CDH4: variants seen among roughly 807,000 people sequenced by gnomAD.
CDH4 encodes the protein cadherin 4, also known as cadherin-4.
Under a neutral mutation model 86.0 loss-of-function variants are expected in CDH4, and 33 were observed. That is an observed-to-expected ratio of 0.38 (90% CI 0.29 to 0.51). The LOEUF (loss-of-function observed/expected upper bound fraction) is 0.51. Ranked by LOEUF, CDH4 falls within the 20% of genes least tolerant of loss-of-function variation. CDH4 has a pLI of 0.86. For synonymous variants in CDH4, 555 were observed against 549.4 expected, an observed-to-expected ratio of 1.01 and a Z score of -0.14; for missense variants, 1,114 against 1,307.4, an observed-to-expected ratio of 0.85 and a Z score of 2.28.
intron 2 of CDH4, among the ~76,000 whole-genome samples, chr20:61,546,587 G>C (rs932412202): frequency 2.6e-5 from 4 of 151,670 alleles, no homozygotes; most frequent in Admixed American, 1.3e-4. Flanking sequence ...AGGGCAGGGA[G>C]GGGGGTGTGT....
chr20:61,859,433 A>C (rs56351819), intron 6 of CDH4, among the ~76,000 whole-genome samples: 14,385 of 152,196 alleles, frequency 0.095, 783 homozygotes, highest in East Asian at 0.16. Context: ...CCTCTTACGG[A>C]GCAGGCTTCA....
intron 2 of CDH4, among the ~76,000 whole-genome samples, chr20:61,682,252 GGATGGATAGAGGAACA>G (rs2087523377): frequency 6.6e-6 from 1 of 151,210 alleles, no homozygotes; most frequent in African/African-American, 2.4e-5. Context: ...ACAAGTGGAC[GGATGGATAGAGGAACA>G]GATGGATGGA....
intron 8 of CDH4, among the ~76,000 whole-genome samples, chr20:61,895,850 G>A (rs1331202440): frequency 6.6e-6 from 1 of 152,208 alleles, no homozygotes; most frequent in African/African-American, 2.4e-5. Flanking sequence ...GTGTCCCCAG[G>A]CTGTCATTTT....
rs141037044 is a variant in CDH4 at position 61,928,233 on chromosome 20, C to G, written c.1815C>G (p.Leu605=). The G allele has an allele frequency of 3.1e-6, 5 of 1,605,164 alleles. No individual in the cohort carries two copies. The highest frequency in any genetic ancestry group is 4.2e-6 in the Non-Finnish European group (5 of 1,179,956). Residue 605 remains leucine (L), a synonymous_variant, in exon 12 of 16, where the codon CTC becomes CTG. Transcript: ENST00000614565. ...GCACCGGGACCCTCCAGATCTATCT[C>G]ATTGACATCAACGACAACGCCCCTG... The part of the protein sequence containing the change: ...ASGTGTLQIY[L]IDINDNAPEL...
intron 2 of CDH4, among the ~76,000 whole-genome samples, chr20:61,541,515 C>T (rs1057031958): frequency 3.9e-5 from 6 of 152,274 alleles, no homozygotes; most frequent in Middle Eastern, 3.4e-3. Flanking sequence ...CTGGGGTGTC[C>T]ACCATCTAGA....
intron 4 of CDH4, among the ~76,000 whole-genome samples, chr20:61,823,899 A>T (rs1040538908): frequency 7.9e-5 from 12 of 152,234 alleles, no homozygotes; most frequent in Non-Finnish European, 2.9e-5. Context: ...AAAACCATGT[A>T]GTGGGGCGGC....
chr20:61,338,225 A>G (rs1600879706), intron 2 of CDH4, among the ~76,000 whole-genome samples: 2 of 152,224 alleles, frequency 1.3e-5, no homozygotes, highest in Admixed American at 6.5e-5. Context: ...GATTTTGCTT[A>G]AAAACACTTA....
At chr20:61,296,264 T>TGG (rs2084352246) in intron 2 of CDH4, among the ~76,000 whole-genome samples, 2 of 8,214 alleles carry the variant, frequency 2.4e-4, no homozygotes, top group Admixed American at 2.2e-3. Flanking sequence ...CATGTGTGCG[T>TGG]GTGTGTGTGT....
At chr20:61,526,565 G>A (rs1022670972) in intron 2 of CDH4, among the ~76,000 whole-genome samples, 1 of 150,722 alleles carries the variant, frequency 6.6e-6, no homozygotes, top group African/African-American at 2.4e-5. Context: ...AGTTACATAT[G>A]TATACATGTG....
At chr20:61,844,630 A>G (rs1982343525) in intron 4 of CDH4, 38 bp from the exon 5 acceptor site, 3 of 1,582,324 alleles carry the variant, frequency 1.9e-6, no homozygotes, top group Non-Finnish European at 2.6e-6. Flanking sequence ...TCTCCTCACC[A>G]CAGGATAACC....
chr20:61,663,322 G>A lies in CDH4; in HGVS notation c.170-80241G>A, dbSNP rs1374999361. On this transcript the variant is annotated intron_variant, in intron 2 of 15. Coordinates refer to ENST00000614565, the MANE Select transcript of CDH4 (RefSeq NM_001794.5). The surrounding 1 kb of genome is among the most constrained non-coding windows in gnomAD (Gnocchi z 5.0). ...GGCACCCGCAGGAGGCCTGTGCTGC[G>A]GAGCTCCTGGGAGGGTGACGCTGGG... 1.3e-5 allele frequency among the ~76,000 whole-genome samples: 2 copies of A among 152,228 alleles called. No homozygotes were observed. The highest frequency in any genetic ancestry group is 2.9e-5 in the Non-Finnish European group (2 of 68,040).
intron 2 of CDH4, among the ~76,000 whole-genome samples, chr20:61,318,705 A>C (rs764695885): frequency 6.6e-6 from 1 of 152,268 alleles, no homozygotes; most frequent in Non-Finnish European, 1.5e-5. Flanking sequence ...CAGTGAGGTC[A>C]AGAAGCGTGT....
chr20:61,526,893 G>T (rs920126160), intron 2 of CDH4, among the ~76,000 whole-genome samples: 2 of 152,198 alleles, frequency 1.3e-5, no homozygotes, highest in African/African-American at 2.4e-5. Flanking sequence ...ATTAACAAAT[G>T]TAACGTTCTA....
chr20:61,318,185 A>G (rs2084487982), intron 2 of CDH4, among the ~76,000 whole-genome samples: 1 of 152,150 alleles, frequency 6.6e-6, no homozygotes, highest in South Asian at 2.1e-4. Context: ...AATAGATGTT[A>G]AACTGCCCGG....
intron 2 of CDH4, among the ~76,000 whole-genome samples, chr20:61,450,403 G>T (rs2085373135): frequency 6.6e-6 from 1 of 152,146 alleles, no homozygotes; most frequent in Non-Finnish European, 1.5e-5. Flanking sequence ...TGTTCTCCAT[G>T]CCTTTTTAAG....
At chr20:61,258,329 CAAAAA>C (rs778048684) in intron 2 of CDH4, among the ~76,000 whole-genome samples, 5 of 62,360 alleles carry the variant, frequency 8.0e-5, no homozygotes, top group East Asian at 7.2e-4. Flanking sequence ...GACTCCGTCT[CAAAAA>C]AAAAAAAAAA....
chr20:61,422,842 G>A (rs2085187654), intron 2 of CDH4, among the ~76,000 whole-genome samples: 1 of 152,146 alleles, frequency 6.6e-6, no homozygotes, highest in Non-Finnish European at 1.5e-5. Context: ...CCCTTCCTGG[G>A]CTCAGCAGCC....
At chr20:61,886,909 C>T (rs998468186) in intron 7 of CDH4, among the ~76,000 whole-genome samples, 9 of 152,170 alleles carry the variant, frequency 5.9e-5, no homozygotes, top group African/African-American at 2.2e-4. Context: ...TGGGGCTCCC[C>T]TTGCCCGCCT....
chr20:61,559,706 A>T (rs2086202660), intron 2 of CDH4, among the ~76,000 whole-genome samples: 1 of 151,450 alleles, frequency 6.6e-6, no homozygotes, highest in South Asian at 2.1e-4. Context: ...TTTAGTAGAG[A>T]CAGGGTCTCA....
Sources: gnomAD v4.1 joint callset for allele counts (sites outside exome capture counted in the v4.1 genomes callset) on GRCh38, gnomAD v4.1.1 for gene constraint, Gnocchi (gnomAD v3.1) non-coding constraint, MANE v1.5 for transcripts, NCBI Gene and HGNC (gene_info 2026-07-23, HGNC 2026-07-21) for gene names.